Variants in MDH1B observed in about 807,000 individuals in gnomAD.
MDH1B encodes the protein putative malate dehydrogenase 1B.
MDH1B carries 60 observed loss-of-function variants against 61.4 expected under a neutral mutation model. The ratio of observed to expected loss-of-function variants is 0.98; its 90% CI spans 0.79 to 1.21. MDH1B has a LOEUF of 1.21. Ranked by LOEUF, MDH1B falls within the 50% of genes most tolerant of loss-of-function variation. MDH1B has a pLI of 0.00. For synonymous variants in MDH1B, 236 were observed against 218.7 expected (o/e 1.08, Z -0.70); for missense variants, 587 against 632.1 (o/e 0.93, Z 0.76).
chr2:206,761,554 T>C (rs1048504277), intron 1 of MDH1B, among the ~76,000 whole-genome samples: 6 of 152,100 alleles, frequency 3.9e-5, no homozygotes, highest in Non-Finnish European at 7.4e-5. Flanking sequence ...TCAAGTGCAG[T>C]TGGAGATACT....
chr2:206,743,239 C>A (rs1022996023), intron 9 of MDH1B, among the ~76,000 whole-genome samples: 1 of 152,206 alleles, frequency 6.6e-6, no homozygotes, highest in African/African-American at 2.4e-5. Flanking sequence ...ATTAAAGTCA[C>A]AAATGACCTT....
chr2:206,741,742 C>G (rs111856196), intron 9 of MDH1B, among the ~76,000 whole-genome samples: 143 of 152,190 alleles, frequency 9.4e-4, no homozygotes, highest in African/African-American at 3.3e-3. Context: ...CTCTACGGAA[C>G]CTTGACTATA....
chr2:206,760,114 C>T (rs1016047523), intron 2 of MDH1B, among the ~76,000 whole-genome samples: 6 of 152,204 alleles, frequency 3.9e-5, no homozygotes, highest in African/African-American at 1.4e-4. Flanking sequence ...AAAGGCACAA[C>T]AGGTGAACTG....
chr2:206,761,645 T>C (rs1030375861), intron 1 of MDH1B, among the ~76,000 whole-genome samples: 24 of 152,222 alleles, frequency 1.6e-4, no homozygotes, highest in Admixed American at 2.0e-4. Flanking sequence ...TGTATATGTA[T>C]ACATATATAT....
At chr2:206,743,004 C>T (rs1356400016) in intron 9 of MDH1B, among the ~76,000 whole-genome samples, 3 of 152,082 alleles carry the variant, frequency 2.0e-5, no homozygotes. Context: ...TGTGAGCCAC[C>T]ACGCCCAGCC....
At chr2:206,759,311 A>C (rs2105951813) in intron 2 of MDH1B, among the ~76,000 whole-genome samples, 1 of 152,288 alleles carries the variant, frequency 6.6e-6, no homozygotes, top group Admixed American at 6.5e-5. Flanking sequence ...AAAGGACATG[A>C]TCTCATTCCT....
At chr2:206,759,688 T>C (rs11894165) in intron 2 of MDH1B, among the ~76,000 whole-genome samples, 34,384 of 152,182 alleles carry the variant, frequency 0.23, 4,948 homozygotes, top group East Asian at 0.71. Flanking sequence ...TAATAACCTG[T>C]AATGTTGAGC....
At position 206,755,299 on chromosome 2, in the gene MDH1B, T is replaced by C; in HGVS notation, c.620A>G (p.Gln207Arg). 1.2e-6 allele frequency: 2 copies of C among 1,614,218 alleles called. No individual in the cohort carries two copies. The highest frequency in any genetic ancestry group is 2.2e-5 in the East Asian group (1 of 44,884). ...ICTKVEEAFR[Q>R]AHVIVVLDDS... ...ATCCAGCACCACAATGACGTGGGCCTGGCGGAAGGCCTCCTCCACCTTCGT... is the reference window on the plus strand; with the variant it reads ...ATCCAGCACCACAATGACGTGGGCCCGGCGGAAGGCCTCCTCCACCTTCGT... Residue 207 changes from glutamine to arginine, a missense_variant, in exon 5 of 12, where the codon CAG (glutamine) becomes CGG (arginine). Coordinates refer to ENST00000374412, the MANE Select transcript of MDH1B (RefSeq NM_001039845.3).
chr2:206,756,198 T>A (rs897032162), intron 4 of MDH1B, among the ~76,000 whole-genome samples: 2 of 152,206 alleles, frequency 1.3e-5, no homozygotes, highest in Non-Finnish European at 2.9e-5. Context: ...CTAAAGAAGA[T>A]GTGATAGTTA....
intron 4 of MDH1B, among the ~76,000 whole-genome samples, chr2:206,756,244 C>A (rs1251167997): frequency 6.6e-6 from 1 of 152,146 alleles, no homozygotes; most frequent in Non-Finnish European, 1.5e-5. Context: ...ATGTTTATTA[C>A]ATCATTCTCA....
At chr2:206,752,656 C>G (rs73068060) in intron 5 of MDH1B, among the ~76,000 whole-genome samples, 19,103 of 152,086 alleles carry the variant, frequency 0.13, 1,781 homozygotes, top group African/African-American at 0.27. Flanking sequence ...GCCTAAAGAA[C>G]CCTTTTAATT....
chr2:206,758,122 C>T (rs1688868550), intron 2 of MDH1B, among the ~76,000 whole-genome samples: 1 of 152,180 alleles, frequency 6.6e-6, no homozygotes, highest in African/African-American at 2.4e-5. Context: ...CACGGTCCCT[C>T]TAGCCACAGC....
intron 2 of MDH1B, among the ~76,000 whole-genome samples, chr2:206,758,854 G>A (rs547771083): frequency 6.6e-6 from 1 of 152,190 alleles, no homozygotes; most frequent in South Asian, 2.1e-4. Flanking sequence ...CTCTGGAAGG[G>A]ATTGGAGGAT....
chr2:206,744,911 C>A lies in MDH1B; in HGVS notation c.1408+711G>T, dbSNP rs550769108. 4.0e-5 allele frequency among the ~76,000 whole-genome samples: 6 copies of A among 151,220 alleles called. No individual in the cohort carries two copies. In the South Asian group the frequency reaches 1.3e-3, roughly 32 times the overall value. The stretch of plus-strand genomic sequence containing the variant: ...CTGCACTTCAGTCTGGGCAACAGAG[C>A]AAGACTCTGTCTAAATAAATAAATA... On this transcript the variant is annotated intron_variant, in intron 9 of 11. Coordinates refer to ENST00000374412, the MANE Select transcript of MDH1B (RefSeq NM_001039845.3).
chr2:206,750,650 A>G (rs1444261159), intron 6 of MDH1B, among the ~76,000 whole-genome samples: 1 of 152,078 alleles, frequency 6.6e-6, no homozygotes, highest in Admixed American at 6.5e-5. Context: ...CTTTACACGA[A>G]GTAAGATTCC....
chr2:206,759,205 G>T (rs1688949155), intron 2 of MDH1B, among the ~76,000 whole-genome samples: 1 of 152,074 alleles, frequency 6.6e-6, no homozygotes, highest in East Asian at 1.9e-4. Context: ...TTATCATTTA[G>T]CCCCCACTTC....
At chr2:206,758,469 T>G (rs1254081503) in intron 2 of MDH1B, among the ~76,000 whole-genome samples, 2 of 151,962 alleles carry the variant, frequency 1.3e-5, no homozygotes, top group Non-Finnish European at 2.9e-5. Context: ...GAAGAATGGA[T>G]CAAAAGACTA....
chr2:206,749,798 G>A (rs992551622), intron 6 of MDH1B, among the ~76,000 whole-genome samples: 7 of 152,204 alleles, frequency 4.6e-5, no homozygotes, highest in East Asian at 3.8e-4. Context: ...CAAAGGTGCC[G>A]AATGTAGAAT....
intron 9 of MDH1B, chr2:206,745,244 A>C (rs1486969647): frequency 5.9e-6 from 2 of 341,718 alleles, no homozygotes; most frequent in Non-Finnish European, 5.8e-6. Context: ...ATTCTTTCTC[A>C]AGCCTTCAGA....
Sources: allele counts gnomAD v4.1 joint callset (sites outside exome capture counted in the v4.1 genomes callset), GRCh38; gene constraint gnomAD v4.1.1; transcripts MANE v1.5; gene names NCBI Gene and HGNC (gene_info 2026-07-23, HGNC 2026-07-21).